The following SYT14 variants were observed in gnomAD, a reference collection of about 807,000 sequenced individuals.
SYT14 encodes synaptotagmin-14.
In SYT14, 32 loss-of-function variants were observed where a neutral mutation model predicts 74.2. The observed-to-expected ratio is 0.43, with a 90% CI of 0.33 to 0.58. The LOEUF (loss-of-function observed/expected upper bound fraction) is 0.58. SYT14 is among the 20% of genes least tolerant of loss of function. The probability of loss-of-function intolerance (pLI) is 0.05; values close to 1 mark genes in which losing one functional copy is unlikely to be tolerated. For missense variants in SYT14, 791 were observed against 981.8 expected (o/e 0.81, Z 2.60); for synonymous variants, 298 against 337.7 (o/e 0.88, Z 1.29).
intron 7 of SYT14, among the ~76,000 whole-genome samples, chr1:210,138,182 G>A (rs2082832008): frequency 6.6e-6 from 1 of 152,186 alleles, no homozygotes; most frequent in African/African-American, 2.4e-5. Context: ...CCACATGACT[G>A]GGGAAGTCTC....
chr1:210,083,293 G>T (rs1195538085), intron 5 of SYT14, among the ~76,000 whole-genome samples: 2 of 152,098 alleles, frequency 1.3e-5, no homozygotes, highest in Non-Finnish European at 2.9e-5. Context: ...GCCCAGCCGA[G>T]TAATGGATTA....
chr1:210,034,655 T>C (rs935408991), intron 5 of SYT14, among the ~76,000 whole-genome samples: 8 of 151,798 alleles, frequency 5.3e-5, no homozygotes, highest in African/African-American at 1.7e-4. Context: ...AATTTCTATG[T>C]TCAGTTTCTA....
chr1:210,065,034 C>T (rs227211), intron 5 of SYT14, among the ~76,000 whole-genome samples: 52,128 of 151,878 alleles, frequency 0.34, 9,901 homozygotes, highest in Non-Finnish European at 0.42. Flanking sequence ...TGGTGTTAGG[C>T]GTCTTTTCAT....
chr1:210,011,961 A>G (rs2080093440), intron 2 of SYT14, among the ~76,000 whole-genome samples: 1 of 152,166 alleles, frequency 6.6e-6, no homozygotes, highest in African/African-American at 2.4e-5. Flanking sequence ...ACTGCCGAGG[A>G]CTGGAGAAGC....
chr1:210,153,828 G>A (rs188253032), intron 7 of SYT14, among the ~76,000 whole-genome samples: 9 of 152,234 alleles, frequency 5.9e-5, no homozygotes, highest in Admixed American at 3.3e-4. Flanking sequence ...ATTTCAAAGG[G>A]GAAACATTAA....
Position 209,965,413 on chromosome 1 carries a change from G to A in SYT14, c.-486+12657G>A, listed in dbSNP as rs144512257. Among the ~76,000 whole-genome samples the A allele has an allele frequency of 2.1e-3, 315 of 152,260 alleles. 1 individual carries two copies. The highest frequency in any genetic ancestry group is 6.9e-3 in the African/African-American group (285 of 41,540). ...ATTTCATCTCTTTTGTGGCTGCATA[G>A]TATTCCATGATATATATGTACCACG... On this transcript the variant is annotated intron_variant, in intron 2 of 9. Transcript: ENST00000637265.
exon 10 of SYT14, chr1:210,164,540 A>G (rs1572404107): frequency 6.4e-6 from 1 of 156,294 alleles, no homozygotes; most frequent in East Asian, 1.9e-4. Flanking sequence ...CAATATGAAG[A>G]TGTGTGGGGA....
At chr1:210,049,389 CTT>C (rs112176538) in intron 5 of SYT14, among the ~76,000 whole-genome samples, 10 of 135,998 alleles carry the variant, frequency 7.4e-5, no homozygotes, top group Admixed American at 3.5e-4. Flanking sequence ...AACACCAATT[CTT>C]TTTTTTTTTT....
chr1:210,116,648 GAACTCATT>G, intron 7 of SYT14, among the ~76,000 whole-genome samples: 1 of 152,134 alleles, frequency 6.6e-6, no homozygotes, highest in Non-Finnish European at 1.5e-5. Context: ...TGCCCATCCT[GAACTCATT>G]GTTTTATATC....
At chr1:209,975,335 C>CTGTGGGTT (rs2079340682) in intron 2 of SYT14, among the ~76,000 whole-genome samples, 1 of 152,194 alleles carries the variant, frequency 6.6e-6, no homozygotes, top group African/African-American at 2.4e-5. Context: ...ATGATACTGG[C>CTGTGGGTT]TGTGGGTTTA....
chr1:210,155,791 A>G (rs1410171574), exon 8 of SYT14: 1 of 1,614,116 alleles, frequency 6.2e-7, no homozygotes, highest in South Asian at 1.1e-5. Flanking sequence ...CAGTCTCTTG[A>G]ACATGGCTCA....
At chr1:210,095,278 T>G (rs1224756866) in intron 6 of SYT14, among the ~76,000 whole-genome samples, 1 of 152,168 alleles carries the variant, frequency 6.6e-6, no homozygotes, top group Non-Finnish European at 1.5e-5. Flanking sequence ...CTTTCAAGTG[T>G]TTTTGTTTTT....
At chr1:209,995,051 G>A (rs370494640) in intron 2 of SYT14, among the ~76,000 whole-genome samples, 2 of 152,132 alleles carry the variant, frequency 1.3e-5, no homozygotes, top group African/African-American at 4.8e-5. Flanking sequence ...ACTTAAGTAC[G>A]TAGCTCACAG....
exon 3 of SYT14, chr1:210,013,710 A>T: frequency 6.2e-7 from 1 of 1,612,942 alleles, no homozygotes; most frequent in Non-Finnish European, 8.5e-7. Context: ...TCTCTATATT[A>T]ATAAGAAGTT....
At chr1:210,002,326 G>C (rs1316316299) in intron 2 of SYT14, among the ~76,000 whole-genome samples, 8 of 151,734 alleles carry the variant, frequency 5.3e-5, no homozygotes, top group Non-Finnish European at 1.5e-5. Flanking sequence ...TTTTCTTTAA[G>C]TTTTACCACC....
chr1:210,141,978 T>C (rs1167439714), intron 7 of SYT14, among the ~76,000 whole-genome samples: 1 of 152,236 alleles, frequency 6.6e-6, no homozygotes, highest in Non-Finnish European at 1.5e-5. Context: ...CCAGAGCCAG[T>C]ACTGCTTCTT....
chr1:210,042,804 T>C (rs2102349716), intron 5 of SYT14, among the ~76,000 whole-genome samples: 1 of 152,294 alleles, frequency 6.6e-6, no homozygotes, highest in South Asian at 2.1e-4. Context: ...TCCAGCTTTG[T>C]TCTTTTTGCT....
At chr1:210,166,944 G>A (rs1042789961) in exon 10 of SYT14, 117 of 152,048 alleles carry the variant, frequency 7.7e-4, no homozygotes, top group African/African-American at 2.8e-3. Flanking sequence ...GATATTTAAT[G>A]AAAAAAATTA....
intron 5 of SYT14, among the ~76,000 whole-genome samples, chr1:210,079,069 A>G (rs2081569840): frequency 6.6e-6 from 1 of 152,018 alleles, no homozygotes; most frequent in Non-Finnish European, 1.5e-5. Flanking sequence ...AATCCTTTAA[A>G]GCTATAGTAT....
Sources: gnomAD v4.1 joint callset for allele counts (sites outside exome capture counted in the v4.1 genomes callset) on GRCh38, gnomAD v4.1.1 for gene constraint, MANE v1.5 for transcripts, NCBI Gene and HGNC (gene_info 2026-07-23, HGNC 2026-07-21) for gene names.